SLC4A3: variants seen among roughly 807,000 people sequenced by gnomAD.
SLC4A3 encodes the protein solute carrier family 4 member 3, also known as anion exchange protein 3.
In SLC4A3, 47 loss-of-function variants were observed where a neutral mutation model predicts 114.2. The ratio of observed to expected loss-of-function variants is 0.41; its 90% CI spans 0.33 to 0.52. SLC4A3 has a LOEUF of 0.52. Ranked by LOEUF, SLC4A3 falls within the 20% of genes least tolerant of loss-of-function variation. SLC4A3 has a pLI of 0.21. For missense variants in SLC4A3, 1,312 were observed against 1,668.3 expected (o/e 0.79, Z 3.72); for synonymous variants, 693 against 710.3 (o/e 0.98, Z 0.39).
rs1698832923 is a variant in SLC4A3, at chr2:219,629,296, C to T, written c.370C>T (p.Pro124Ser). The T allele has an allele frequency of 6.2e-7, 1 of 1,613,654 alleles. No homozygotes were observed. Among genetic ancestry groups the T allele is most frequent in the Admixed American group, 1.7e-5 (1 of 59,970 alleles). ...KTSAPPSEGTPPIQEEGGAGV... is the reference protein window; with the variant it reads ...KTSAPPSEGTSPIQEEGGAGV... Reference sequence around the variant, plus strand: ...CTCTGCTCCTCCCTCCGAGGGGACCCCTCCCATCCAGGAGGAGGGGGGAGC... The same window carrying T: ...CTCTGCTCCTCCCTCCGAGGGGACCTCTCCCATCCAGGAGGAGGGGGGAGC... The change falls in exon 4 of 23, where the codon CCT becomes TCT. Residue 124 changes from proline (P) to serine (S), a missense_variant. Pro to Ser is a moderately conservative substitution (Grantham distance 74). Transcript: ENST00000358055.
In SLC4A3 at chr2:219,630,369, G is replaced by T. The variant is rs1698877432; in HGVS notation, c.811+17G>T. On this transcript the variant is annotated intron_variant, in intron 6 of 22. Transcript: ENST00000358055. This position sits in a 1 kb window ranked among gnomAD's most constrained non-coding sequence, Gnocchi z 6.9. ...ACATGAAGAGTGAGTGAGACCTTGT[G>T]GCAGCCCCCATGGTCCACTGCGACG... 6.3e-7 allele frequency: 1 copy of T among 1,584,092 alleles called. No homozygotes were observed.
At position 219,636,900 on chromosome 2, in the gene SLC4A3, G is replaced by A. The variant is rs199614427; in HGVS notation, c.2535+26G>A. On this transcript the variant is annotated intron_variant, in intron 16 of 22. Coordinates refer to ENST00000358055, the MANE Select transcript of SLC4A3 (RefSeq NM_005070.4). The surrounding 1 kb of genome is among the most constrained non-coding windows in gnomAD (Gnocchi z 5.5). ...GTGGAGGTCCAGCGAGGTCTTGGGG[G>A]TGGCAGAGATGGAGGTGGACATTGC... 56 of 1,592,812 alleles carry A rather than the reference G, an allele frequency of 3.5e-5. No individual in the cohort carries two copies. Among genetic ancestry groups the A allele is most frequent in the Non-Finnish European group, 4.6e-5 (54 of 1,163,188 alleles).
chr2:219,635,434 G>A lies in SLC4A3; in HGVS notation c.1910G>A (p.Arg637Gln), dbSNP rs372281357. The A allele has an allele frequency of 2.5e-5, 41 of 1,614,000 alleles. No individual in the cohort carries two copies. The highest frequency in any genetic ancestry group is 3.0e-5 in the Non-Finnish European group (35 of 1,180,004). The change falls in exon 13 of 23, where the codon CGA becomes CAA. Residue 637 changes from arginine to glutamine, a missense_variant. Transcript: ENST00000358055. ...CAGCGAGAGCTGCTTAGGAAGCGGCGAGAGCGTGAACAGACCAAAGTCGAG... is the reference window on the plus strand; with the variant it reads ...CAGCGAGAGCTGCTTAGGAAGCGGCAAGAGCGTGAACAGACCAAAGTCGAG... ...AFQRELLRKRREREQTKVEMT... is the reference protein window; with the variant it reads ...AFQRELLRKRQEREQTKVEMT...
intron 12 of SLC4A3, 34 bp downstream of exon 12, chr2:219,634,638 C>T: frequency 6.2e-7 from 1 of 1,603,796 alleles, no homozygotes; most frequent in African/African-American, 1.3e-5. Context: ...GGCCTCTTCT[C>T]CTAGGCCCTG....
In SLC4A3 at chr2:219,639,385, G is replaced by GTCCTCCCCCCA; in HGVS notation, c.3024-96_3024-86dup. On this transcript the variant is annotated intron_variant, in intron 19 of 22. Coordinates refer to ENST00000358055, the MANE Select transcript of SLC4A3 (RefSeq NM_005070.4). This position sits in a 1 kb window ranked among gnomAD's most constrained non-coding sequence, Gnocchi z 5.9. ...TCCTAGGGAGAACTGTTGTCTGCAC[G>GTCCTCCCCCCA]TCCTCCCCCCACCATCTCGTCTCTG... 1 of 1,427,762 alleles carries GTCCTCCCCCCA rather than the reference G, an allele frequency of 7.0e-7. No homozygotes were observed. Among genetic ancestry groups the GTCCTCCCCCCA allele is most frequent in the East Asian group, 2.3e-5 (1 of 43,646 alleles). The allele number at this position is 1,427,762 out of a possible 1,614,324, so 88.4% of individuals were successfully genotyped here. A position where few individuals can be genotyped will look rare whatever the true frequency, so the allele number is the denominator to read the frequency against.
chr2:219,637,883 G>C lies in SLC4A3; in HGVS notation c.2766+72G>C. Reference sequence around the variant, plus strand: ...GCTGTAGGAGCTCCCCAGAGAGGCTGCACCCCTTCCCCGGTCAGCCCATGG... The same window carrying C: ...GCTGTAGGAGCTCCCCAGAGAGGCTCCACCCCTTCCCCGGTCAGCCCATGG... On this transcript the variant is annotated intron_variant, in intron 17 of 22. Coordinates refer to ENST00000358055, the MANE Select transcript of SLC4A3 (RefSeq NM_005070.4). The surrounding 1 kb of genome is among the most constrained non-coding windows in gnomAD (Gnocchi z 4.6). 1 of 1,263,584 alleles carries C rather than the reference G, an allele frequency of 7.9e-7. No individual in the cohort carries two copies. Among genetic ancestry groups the C allele is most frequent in the Non-Finnish European group, 1.2e-6 (1 of 868,912 alleles). The allele number at this position is 1,263,584 out of a possible 1,614,324, so 78.3% of individuals were successfully genotyped here.
chr2:219,640,420 C>T lies in SLC4A3; in HGVS notation c.3278-10C>T, dbSNP rs753685869. On this transcript the variant is annotated splice_polypyrimidine_tract_variant and intron_variant, in intron 20 of 22. Transcript: ENST00000358055. Reference sequence around the variant, plus strand: ...CTGAGGGTCAGGCGGGTCTGTGTCACCTCCTCCAGGCCTGTCCATCGTCAT... The same window carrying T: ...CTGAGGGTCAGGCGGGTCTGTGTCATCTCCTCCAGGCCTGTCCATCGTCAT... 4 of 1,608,756 alleles carry T rather than the reference C, an allele frequency of 2.5e-6. No individual in the cohort carries two copies. In the African/African-American group the frequency reaches 4.0e-5, roughly 16 times the overall value.
At chr2:219,635,563 C>A in intron 13 of SLC4A3, 67 bp downstream of exon 13, 2 of 1,493,204 alleles carry the variant, frequency 1.3e-6, no homozygotes, top group Non-Finnish European at 1.8e-6. Flanking sequence ...AAGGCTGTGA[C>A]CCCAGCCCCG....
At position 219,628,771 on chromosome 2, in the gene SLC4A3, G is replaced by C. The variant is rs542805045; in HGVS notation, c.217+201G>C. On this transcript the variant is annotated intron_variant, in intron 3 of 22. Coordinates refer to ENST00000358055, the MANE Select transcript of SLC4A3 (RefSeq NM_005070.4). The surrounding 1 kb of genome is among the most constrained non-coding windows in gnomAD (Gnocchi z 4.8). Reference sequence around the variant, plus strand: ...CCTGTCCGCCTGCCTGGGGAGGTGGGCCCCAGACCAGGGGAGATCTAGGGA... The same window carrying C: ...CCTGTCCGCCTGCCTGGGGAGGTGGCCCCCAGACCAGGGGAGATCTAGGGA... 3.6e-3 allele frequency: 2,326 copies of C among 651,918 alleles called. 22 individuals are homozygous for C. Among genetic ancestry groups the C allele is most frequent in the Non-Finnish European group, 3.6e-3 (1,390 of 388,286 alleles). 40.4% of individuals were successfully genotyped at this position (651,918 alleles called of 1,614,324 possible). A position where few individuals can be genotyped will look rare whatever the true frequency, so the allele number is the denominator to read the frequency against.
At position 219,635,696 on chromosome 2, in the gene SLC4A3, T is replaced by C. The variant is rs571444159; in HGVS notation, c.1996T>C (p.Ser666Pro). 131 of 1,591,196 alleles carry C rather than the reference T, an allele frequency of 8.2e-5. 1 individual carries two copies. The South Asian group carries it at 1.3e-3, about 16-fold the overall frequency. ...AGAACTGTCTTTGGAGTTGGGGGGC[T>C]CTGAGGCAACCCCTGAAGATGACCC... ...GKELSLELGG[S>P]EATPEDDPLL... The change falls in exon 14 of 23, where the codon TCT becomes CCT. Residue 666 changes from serine (S) to proline (P), a missense_variant. Transcript: ENST00000358055.
Position 219,636,485 on chromosome 2 carries a change from GC to G in SLC4A3, c.2340+39del, listed in dbSNP as rs1401515029. 1 of 1,553,420 alleles carries G rather than the reference GC, an allele frequency of 6.4e-7. No individual in the cohort carries two copies. The highest frequency in any genetic ancestry group is 2.2e-5 in the East Asian group (1 of 44,550). The stretch of plus-strand genomic sequence containing the variant: ...AGCCTTGCCCTGCTCCATCCATCCT[GC>G]CCCACACTCTTCCTTACCTACATCC... On this transcript the variant is annotated intron_variant, in intron 15 of 22. Transcript: ENST00000358055. The surrounding 1 kb of genome is among the most constrained non-coding windows in gnomAD (Gnocchi z 5.5).
In SLC4A3 at chr2:219,635,550, C is replaced by A; in HGVS notation, c.1972+54C>A. The A allele has an allele frequency of 2.0e-6, 3 of 1,518,302 alleles. No individual in the cohort carries two copies. The South Asian group carries it at 3.6e-5, about 18-fold the overall frequency. The allele number at this position is 1,518,302 out of a possible 1,614,324, so 94.1% of individuals were successfully genotyped here. ...AATACACACTCCCCCATCCCAGGGC[C>A]CTAAGGCTGTGACCCCAGCCCCGTC... is the stretch of plus-strand genomic sequence containing the variant. On this transcript the variant is annotated intron_variant, in intron 13 of 22. Coordinates refer to ENST00000358055, the MANE Select transcript of SLC4A3 (RefSeq NM_005070.4).
In SLC4A3 at chr2:219,638,712, G is replaced by A. The variant is rs1221529713; in HGVS notation, c.2866G>A (p.Val956Met). The change falls in exon 19 of 23, where the codon GTG (valine) becomes ATG (methionine). Residue 956 changes from valine (V) to methionine (M), a missense_variant. Around this residue, in one of 4 missense-constraint regions of SLC4A3, gnomAD observed 301 missense variants for 460.7 expected, o/e 0.65. Transcript: ENST00000358055. The surrounding 1 kb of genome is among the most constrained non-coding windows in gnomAD (Gnocchi z 7.5). ...ITDTYTQKLT[V>M]PTGLSVTSPD... ...TTTTCCTGCCATGCAGAAGCTGACAGTGCCTACAGGGCTCTCAGTGACCTC... is the reference window on the plus strand; with the variant it reads ...TTTTCCTGCCATGCAGAAGCTGACAATGCCTACAGGGCTCTCAGTGACCTC... The A allele has an allele frequency of 1.2e-6, 2 of 1,614,042 alleles. No individual in the cohort carries two copies. Among genetic ancestry groups the A allele is most frequent in the South Asian group, 1.1e-5 (1 of 91,080 alleles).
chr2:219,631,889 G>A lies in SLC4A3; in HGVS notation c.812-79G>A. 1.4e-6 allele frequency: 2 copies of A among 1,476,318 alleles called. No homozygotes were observed. The highest frequency in any genetic ancestry group is 1.8e-6 in the Non-Finnish European group (2 of 1,097,266). 91.5% of individuals were successfully genotyped at this position (1,476,318 alleles called of 1,614,324 possible). ...ACTGTAGAGCTCACCAAGTAGATGGGTTGGGCAGAAGGAGCTGGGCCGTGA... is the reference window on the plus strand; with the variant it reads ...ACTGTAGAGCTCACCAAGTAGATGGATTGGGCAGAAGGAGCTGGGCCGTGA... On this transcript the variant is annotated intron_variant, in intron 6 of 22. Coordinates refer to ENST00000358055, the MANE Select transcript of SLC4A3 (RefSeq NM_005070.4). This position sits in a 1 kb window ranked among gnomAD's most constrained non-coding sequence, Gnocchi z 6.3.
rs760972612 is a variant in SLC4A3 at position 219,637,690 on chromosome 2, GC to G, written c.2652del (p.Ser885AlafsTer22). 8 of 1,612,254 alleles carry G rather than the reference GC, an allele frequency of 5.0e-6. No homozygotes were observed. The highest frequency in any genetic ancestry group is 1.7e-5 in the Admixed American group (1 of 59,986). ...GGCAGTGCCCTGCCCCCCACCGAGGGCCCCCCCAGCCCGAGGAACCAGCCCA... is the reference window on the plus strand; with the variant it reads ...GGCAGTGCCCTGCCCCCCACCGAGGGCCCCCCAGCCCGAGGAACCAGCCCA... ...PNGSALPPTE[G>X]PPSPRNQPNT... On this transcript the variant is annotated frameshift_variant, in exon 17 of 23. Transcript: ENST00000358055. LOFTEE classifies it high-confidence loss of function. The surrounding 1 kb of genome is among the most constrained non-coding windows in gnomAD (Gnocchi z 4.6).
At position 219,641,513 on chromosome 2, in the gene SLC4A3, A is replaced by T; in HGVS notation, c.3622-138A>T. ...GGCTTTGGCCAAGGGCAGTGCTGCCACCCAGGGTCATGGTACTTGCAGAGA... is the reference window on the plus strand; with the variant it reads ...GGCTTTGGCCAAGGGCAGTGCTGCCTCCCAGGGTCATGGTACTTGCAGAGA... On this transcript the variant is annotated intron_variant, in intron 22 of 22. Coordinates refer to ENST00000358055, the MANE Select transcript of SLC4A3 (RefSeq NM_005070.4). This position sits in a 1 kb window ranked among gnomAD's most constrained non-coding sequence, Gnocchi z 4.0. The T allele has an allele frequency of 1.4e-6, 1 of 699,284 alleles. No individual in the cohort carries two copies. The highest frequency in any genetic ancestry group is 1.7e-5 in the African/African-American group (1 of 57,446). The allele number at this position is 699,284 out of a possible 1,614,324, so 43.3% of individuals were successfully genotyped here. A position where few individuals can be genotyped will look rare whatever the true frequency, so the allele number is the denominator to read the frequency against.
rs747228602 is a variant in SLC4A3, at chr2:219,637,621, A to C, written c.2576A>C (p.Glu859Ala). The change falls in exon 17 of 23, where the codon GAG becomes GCG. Residue 859 changes from glutamate to alanine, a missense_variant. Physicochemically the swap from Glu to Ala is moderately radical, Grantham distance 107 (BLOSUM62 -1). Transcript: ENST00000358055. The surrounding 1 kb of genome is among the most constrained non-coding windows in gnomAD (Gnocchi z 4.6). ...CCACTGCTGCCGTTCTACCCCCCTG[A>C]GGGGGCCCTGGAGGGGTCCCTGGAT... Reference protein sequence around the residue: ...EHPLLPFYPPEGALEGSLDAG... With the variant: ...EHPLLPFYPPAGALEGSLDAG... The C allele has an allele frequency of 6.2e-7, 1 of 1,611,112 alleles. No homozygotes were observed. The highest frequency in any genetic ancestry group is 8.5e-7 in the Non-Finnish European group (1 of 1,177,886).
Position 219,640,422 on chromosome 2 carries a change from T to G in SLC4A3, c.3278-8T>G. 1.2e-6 allele frequency: 2 copies of G among 1,609,018 alleles called. No individual in the cohort carries two copies. The highest frequency in any genetic ancestry group is 1.7e-6 in the Non-Finnish European group (2 of 1,176,696). ...GAGGGTCAGGCGGGTCTGTGTCACCTCCTCCAGGCCTGTCCATCGTCATGG... is the reference window on the plus strand; with the variant it reads ...GAGGGTCAGGCGGGTCTGTGTCACCGCCTCCAGGCCTGTCCATCGTCATGG... On this transcript the variant is annotated splice_polypyrimidine_tract_variant and splice_region_variant and intron_variant, in intron 20 of 22. Coordinates refer to ENST00000358055, the MANE Select transcript of SLC4A3 (RefSeq NM_005070.4).
In SLC4A3 at chr2:219,628,526, A is replaced by G; in HGVS notation, c.173A>G (p.Asp58Gly). The change falls in exon 3 of 23, where the codon GAC (aspartate) becomes GGC (glycine). Residue 58 changes from aspartate to glycine, a missense_variant. Transcript: ENST00000358055. The surrounding 1 kb of genome is among the most constrained non-coding windows in gnomAD (Gnocchi z 4.8). Reference protein sequence around the residue: ...GDLISKPPAWDPEKPSRSYSE... With the variant: ...GDLISKPPAWGPEKPSRSYSE... Reference sequence around the variant, plus strand: ...CTCATCAGCAAGCCCCCGGCCTGGGACCCCGAGAAGCCCAGCCGCAGCTAC... The same window carrying G: ...CTCATCAGCAAGCCCCCGGCCTGGGGCCCCGAGAAGCCCAGCCGCAGCTAC... 1 of 1,613,040 alleles carries G rather than the reference A, an allele frequency of 6.2e-7. No individual in the cohort carries two copies. The highest frequency in any genetic ancestry group is 8.5e-7 in the Non-Finnish European group (1 of 1,179,740).
Sources: allele counts gnomAD v4.1 joint callset, GRCh38; gene constraint gnomAD v4.1.1; regional missense constraint gnomAD v4.1.1; non-coding constraint Gnocchi (gnomAD v3.1); transcripts MANE v1.5; gene names NCBI Gene and HGNC (gene_info 2026-07-23, HGNC 2026-07-21).